Variants in SHISA9 observed in about 807,000 individuals in gnomAD.
The protein encoded by SHISA9 is protein shisa-9.
Under a neutral mutation model 38.0 loss-of-function variants are expected in SHISA9, and 13 were observed. The ratio of observed to expected loss-of-function variants is 0.34; its 90% CI spans 0.22 to 0.54. SHISA9 has a LOEUF of 0.54. SHISA9 is among the 20% of genes least tolerant of loss of function. The pLI is 0.91. For synonymous variants in SHISA9, 275 were observed against 242.0 expected, an observed-to-expected ratio of 1.14 and a Z score of -1.27; for missense variants, 538 against 575.8, an observed-to-expected ratio of 0.93 and a Z score of 0.67.
chr16:13,464,874 C>T, the SHISA9 span, among the ~76,000 whole-genome samples: 1 of 148,672 alleles, frequency 6.7e-6, no homozygotes, highest in African/African-American at 2.5e-5. Context: ...ATGAGTAATT[C>T]ATTAAATCCT....
At chr16:13,467,441 C>G in the SHISA9 span, among the ~76,000 whole-genome samples, 2 of 152,222 alleles carry the variant, frequency 1.3e-5, no homozygotes, top group East Asian at 3.9e-4. Flanking sequence ...CATTTAGACT[C>G]AGACTGGGGA....
the SHISA9 span, among the ~76,000 whole-genome samples, chr16:13,522,147 G>A: frequency 6.6e-6 from 1 of 152,168 alleles, no homozygotes; most frequent in Non-Finnish European, 1.5e-5. Context: ...CATAAGAGGA[G>A]ATCATTGTTA....
chr16:13,219,408 G>C (rs1461930085), intron 4 of SHISA9, among the ~76,000 whole-genome samples: 1 of 152,158 alleles, frequency 6.6e-6, no homozygotes, highest in African/African-American at 2.4e-5. Flanking sequence ...CCAGAGGGAA[G>C]TCTGGAAACC....
intron 2 of SHISA9, among the ~76,000 whole-genome samples, chr16:13,200,270 T>C (rs762780): frequency 0.54 from 81,807 of 151,896 alleles, 23,140 homozygotes; most frequent in African/African-American, 0.73. Context: ...TTGGTATGTT[T>C]CTTTATCCTT....
At chr16:13,014,071 T>G (rs2072712209) in intron 2 of SHISA9, among the ~76,000 whole-genome samples, 1 of 152,168 alleles carries the variant, frequency 6.6e-6, no homozygotes, top group African/African-American at 2.4e-5. Context: ...TTAGGAACTG[T>G]GTCAGGAGGT....
the SHISA9 span, among the ~76,000 whole-genome samples, chr16:13,246,593 G>A: frequency 1.3e-5 from 2 of 152,236 alleles, no homozygotes; most frequent in Admixed American, 1.3e-4. Context: ...ACTGGGTTAG[G>A]CACTGTAAAA....
At chr16:13,395,170 G>T in the SHISA9 span, among the ~76,000 whole-genome samples, 6 of 152,106 alleles carry the variant, frequency 3.9e-5, no homozygotes, top group Non-Finnish European at 8.8e-5. Flanking sequence ...AGAATTTGGA[G>T]GGCTGGTGCA....
intron 2 of SHISA9, among the ~76,000 whole-genome samples, chr16:12,938,642 C>T (rs2071566632): frequency 6.6e-6 from 1 of 151,926 alleles, no homozygotes; most frequent in African/African-American, 2.4e-5. Flanking sequence ...GGATTACCGG[C>T]ACCTGCCACC....
intron 2 of SHISA9, among the ~76,000 whole-genome samples, chr16:12,967,230 T>TA (rs1179007579): frequency 6.6e-6 from 1 of 152,116 alleles, no homozygotes; most frequent in East Asian, 1.9e-4. Context: ...TATGCAGCCA[T>TA]AAAAAATGAT....
At chr16:13,419,026 T>C in the SHISA9 span, among the ~76,000 whole-genome samples, 1 of 152,226 alleles carries the variant, frequency 6.6e-6, no homozygotes, top group Non-Finnish European at 1.5e-5. Context: ...AAGAAAACTT[T>C]AGTAAAATGT....
the SHISA9 span, among the ~76,000 whole-genome samples, chr16:13,450,334 T>C: frequency 6.6e-6 from 1 of 152,238 alleles, no homozygotes; most frequent in Non-Finnish European, 1.5e-5. Context: ...TAAGGCATGG[T>C]GAGCATCTGA....
At chr16:13,082,266 T>G (rs1364163033) in intron 2 of SHISA9, 3 of 152,232 alleles carry the variant, frequency 2.0e-5, no homozygotes, top group Non-Finnish European at 4.4e-5. Flanking sequence ...CTGGCTTAAA[T>G]AATTTATGCA....
intron 2 of SHISA9, among the ~76,000 whole-genome samples, chr16:13,016,300 C>G (rs2072756496): frequency 6.6e-6 from 1 of 152,036 alleles, no homozygotes; most frequent in Non-Finnish European, 1.5e-5. Flanking sequence ...GCTTCTCAGC[C>G]TCTGACGGCT....
At chr16:12,992,265 T>C (rs536574847) in intron 2 of SHISA9, among the ~76,000 whole-genome samples, 1 of 151,720 alleles carries the variant, frequency 6.6e-6, no homozygotes, top group South Asian at 2.1e-4. Flanking sequence ...GCCTCATGCC[T>C]GTAATCCCCA....
At chr16:13,064,258 C>A (rs578107955) in intron 2 of SHISA9, among the ~76,000 whole-genome samples, 1 of 152,228 alleles carries the variant, frequency 6.6e-6, no homozygotes, top group South Asian at 2.1e-4. Context: ...TCAACAAATA[C>A]TTATTGAGCA....
At chr16:13,477,196 C>T in the SHISA9 span, among the ~76,000 whole-genome samples, 49,303 of 151,896 alleles carry the variant, frequency 0.32, 8,680 homozygotes, top group African/African-American at 0.47. Context: ...TCTACAAGGA[C>T]CCCATTGTCT....
At chr16:13,287,144 C>T in the SHISA9 span, among the ~76,000 whole-genome samples, 1 of 152,160 alleles carries the variant, frequency 6.6e-6, no homozygotes, top group South Asian at 2.1e-4. Context: ...CATGGCCCTA[C>T]AATAAGATTA....
chr16:13,447,161 C>T, the SHISA9 span, among the ~76,000 whole-genome samples: 1 of 152,102 alleles, frequency 6.6e-6, no homozygotes, highest in Non-Finnish European at 1.5e-5. Context: ...TGAGAATGTT[C>T]ACCCAGAAGC....
the SHISA9 span, among the ~76,000 whole-genome samples, chr16:13,389,878 G>A: frequency 6.6e-6 from 1 of 152,188 alleles, no homozygotes; most frequent in East Asian, 1.9e-4. Context: ...CTAAAGGGTT[G>A]GCACTCTTGC....
Sources: gnomAD v4.1 joint callset for allele counts (sites outside exome capture counted in the v4.1 genomes callset) on GRCh38, gnomAD v4.1.1 for gene constraint, MANE v1.5 for transcripts, NCBI Gene and HGNC (gene_info 2026-07-23, HGNC 2026-07-21) for gene names.